The following ZNF618 variants were observed in gnomAD, a reference collection of about 807,000 sequenced individuals.
The protein encoded by ZNF618 is neural precursor cell expressed, developmentally down-regulated 10.
In ZNF618, 34 loss-of-function variants were observed where a neutral mutation model predicts 103.0. That is an observed-to-expected ratio of 0.33 (90% CI 0.25 to 0.44). The LOEUF (loss-of-function observed/expected upper bound fraction) is 0.44, where lower values mean the gene tolerates loss of function less well. ZNF618 is among the 20% of genes least tolerant of loss of function. The pLI, the probability that ZNF618 is intolerant of heterozygous loss-of-function variation, is 1.00. For synonymous variants in ZNF618, 551 were observed against 542.2 expected (o/e 1.02, Z -0.23); for missense variants, 1,059 against 1,295.4 (o/e 0.82, Z 2.80).
At chr9:113,982,527 C>T (rs553764976) in intron 2 of ZNF618, among the ~76,000 whole-genome samples, 1 of 152,310 alleles carries the variant, frequency 6.6e-6, no homozygotes, top group East Asian at 1.9e-4. Flanking sequence ...AGCCTAATCT[C>T]AAGATCCTTC....
At chr9:114,002,250 A>AGG (rs1841297605) in intron 5 of ZNF618, among the ~76,000 whole-genome samples, 177 bp downstream of exon 5, 2 of 152,154 alleles carry the variant, frequency 1.3e-5, no homozygotes, top group African/African-American at 4.8e-5. Flanking sequence ...AGGCCTCCTG[A>AGG]TGCGGGACAG....
At chr9:113,886,650 TC>T (rs1432566516) in intron 1 of ZNF618, among the ~76,000 whole-genome samples, 1 of 152,090 alleles carries the variant, frequency 6.6e-6, no homozygotes, top group Non-Finnish European at 1.5e-5. Context: ...AAGAGAAACT[TC>T]CCTGGGGTGC....
intron 1 of ZNF618, among the ~76,000 whole-genome samples, chr9:113,933,634 AC>A (rs1833795003): frequency 6.6e-6 from 1 of 152,164 alleles, no homozygotes; most frequent in African/African-American, 2.4e-5. Flanking sequence ...GTTGGGCTGT[AC>A]TAAGGGCCCA....
At chr9:113,881,383 T>G (rs1164380052) in intron 1 of ZNF618, among the ~76,000 whole-genome samples, 1 of 152,170 alleles carries the variant, frequency 6.6e-6, no homozygotes, top group African/African-American at 2.4e-5. Context: ...ACATATATAA[T>G]TTTTAATTTT....
At chr9:114,001,881 C>G in intron 4 of ZNF618, 115 bp from the exon 5 acceptor site, 2 of 889,206 alleles carry the variant, frequency 2.2e-6, no homozygotes, top group East Asian at 2.5e-5. Context: ...TTGCCAGGGA[C>G]CATCTCTGCC....
At chr9:114,000,998 A>G (rs1841142973) in intron 4 of ZNF618, among the ~76,000 whole-genome samples, 1 of 151,216 alleles carries the variant, frequency 6.6e-6, no homozygotes. Flanking sequence ...GGGCCTCTGC[A>G]TTTGTCCACG....
chr9:113,999,325 G>T (rs1161775870), intron 4 of ZNF618, among the ~76,000 whole-genome samples: 3 of 150,522 alleles, frequency 2.0e-5, no homozygotes, highest in Non-Finnish European at 4.4e-5. Context: ...TGGGTTTTAG[G>T]CTGAGCGAGG....
chr9:113,902,297 A>G (rs1045260399), intron 1 of ZNF618, among the ~76,000 whole-genome samples: 2 of 152,230 alleles, frequency 1.3e-5, no homozygotes, highest in African/African-American at 4.8e-5. Flanking sequence ...ATGAATTAAT[A>G]CATGTAAACA....
intron 3 of ZNF618, 48 bp downstream of exon 3, chr9:113,988,628 T>A: frequency 6.4e-7 from 1 of 1,556,580 alleles, no homozygotes; most frequent in East Asian, 2.3e-5. Flanking sequence ...GGTGGGAACA[T>A]GGAGTCAGAG....
intron 1 of ZNF618, among the ~76,000 whole-genome samples, chr9:113,937,842 C>CTT (rs1053915529): frequency 1.3e-5 from 2 of 151,104 alleles, no homozygotes; most frequent in African/African-American, 4.9e-5. Context: ...GCTTTTTAGT[C>CTT]TTTTAAATTG....
intron 1 of ZNF618, among the ~76,000 whole-genome samples, chr9:113,894,698 A>G (rs1471347265): frequency 6.6e-6 from 1 of 152,152 alleles, no homozygotes; most frequent in Non-Finnish European, 1.5e-5. Context: ...ATTCCTAGAT[A>G]TTTGATATTT....
intron 1 of ZNF618, among the ~76,000 whole-genome samples, chr9:113,903,266 A>G (rs1830706149): frequency 6.6e-6 from 1 of 152,212 alleles, no homozygotes. Context: ...TAAGAATGGA[A>G]AAGACCCCTT....
rs563486332 is a variant in ZNF618 at position 114,017,400 on chromosome 9, C to A, written c.844+616C>A. On this transcript the variant is annotated intron_variant, in intron 10 of 14. Coordinates refer to ENST00000374126, the MANE Select transcript of ZNF618 (RefSeq NM_001318042.2). ...CTGGGAAAGGAAGGGGCTCTAAGGGCCCTTCCCACAGTGACATCCTCACCT... is the reference window on the plus strand; with the variant it reads ...CTGGGAAAGGAAGGGGCTCTAAGGGACCTTCCCACAGTGACATCCTCACCT... Among the ~76,000 whole-genome samples the A allele has an allele frequency of 6.4e-4, 97 of 152,292 alleles. No homozygotes were observed. In the South Asian group the frequency reaches 0.019, roughly 29 times the overall value.
At chr9:113,979,569 C>T (rs966118122) in intron 2 of ZNF618, among the ~76,000 whole-genome samples, 1 of 152,186 alleles carries the variant, frequency 6.6e-6, no homozygotes, top group African/African-American at 2.4e-5. Context: ...AGCAGGAAAA[C>T]CATCGACAGT....
intron 1 of ZNF618, among the ~76,000 whole-genome samples, chr9:113,881,445 T>C (rs1292137208): frequency 6.6e-6 from 1 of 152,234 alleles, no homozygotes; most frequent in African/African-American, 2.4e-5. Context: ...GATTTTAACA[T>C]ATTTAACTCA....
intron 13 of ZNF618, among the ~76,000 whole-genome samples, chr9:114,042,467 A>G (rs1046551843): frequency 1.2e-4 from 18 of 151,944 alleles, no homozygotes; most frequent in Admixed American, 9.8e-4. Context: ...GAGGCCAGGA[A>G]TTTGAGACCA....
intron 6 of ZNF618, among the ~76,000 whole-genome samples, chr9:114,004,327 G>A (rs1022713209): frequency 2.0e-5 from 3 of 152,106 alleles, no homozygotes; most frequent in Admixed American, 1.3e-4. Flanking sequence ...CTCCAGCCCC[G>A]CCTTTCCTGC....
At chr9:113,938,081 T>C (rs1382319698) in intron 1 of ZNF618, among the ~76,000 whole-genome samples, 1 of 152,024 alleles carries the variant, frequency 6.6e-6, no homozygotes, top group East Asian at 1.9e-4. Flanking sequence ...TTGAGAGAAC[T>C]GACATATTTA....
At chr9:113,965,735 T>C (rs543001781) in intron 1 of ZNF618, among the ~76,000 whole-genome samples, 1 of 152,262 alleles carries the variant, frequency 6.6e-6, no homozygotes, top group East Asian at 1.9e-4. Context: ...AAAATGAGAC[T>C]CAGAGCCAGG....
Sources: allele counts gnomAD v4.1 joint callset (sites outside exome capture counted in the v4.1 genomes callset), GRCh38; gene constraint gnomAD v4.1.1; transcripts MANE v1.5; gene names NCBI Gene and HGNC (gene_info 2026-07-23, HGNC 2026-07-21).